The following ADGRB3 variants were observed in gnomAD, a reference collection of about 807,000 sequenced individuals.
ADGRB3 encodes brain-specific angiogenesis inhibitor 3.
In ADGRB3, 37 loss-of-function variants were observed where a neutral mutation model predicts 193.4. The observed-to-expected ratio is 0.19, with a 90% CI of 0.15 to 0.25. The LOEUF (loss-of-function observed/expected upper bound fraction) is 0.25. Among genes scored for constraint, ADGRB3 ranks in the 10% least tolerant of loss-of-function variants. The pLI, the probability that ADGRB3 is intolerant of heterozygous loss-of-function variation, is 1.00. For missense variants in ADGRB3, 1,637 were observed against 1,852.9 expected (o/e 0.88, Z 2.14); for synonymous variants, 690 against 644.2 (o/e 1.07, Z -1.08).
At chr6:68,728,779 A>C (rs1765720033) in intron 3 of ADGRB3, among the ~76,000 whole-genome samples, 3 of 151,586 alleles carry the variant, frequency 2.0e-5, no homozygotes. Flanking sequence ...GAAAGGCAGA[A>C]CCAGAGTTCA....
chr6:68,839,206 A>G (rs483076), intron 3 of ADGRB3, among the ~76,000 whole-genome samples: 132,924 of 152,234 alleles, frequency 0.87, 58,304 homozygotes, highest in Middle Eastern at 0.95. Flanking sequence ...AGAAATGCAG[A>G]TATCTTTTCT....
chr6:68,727,392 G>A (rs1329821339), intron 3 of ADGRB3, among the ~76,000 whole-genome samples: 2 of 151,516 alleles, frequency 1.3e-5, no homozygotes, highest in Admixed American at 1.3e-4. Context: ...ATATGTCATT[G>A]AATGTAATTA....
In ADGRB3 at chr6:69,327,830, A is replaced by G. The variant is rs772858115; in HGVS notation, c.2976A>G (p.Ala992=). Residue 992 remains alanine (A), a synonymous_variant, in exon 22 of 32, where the codon GCA becomes GCG. Coordinates refer to ENST00000370598, the MANE Select transcript of ADGRB3 (RefSeq NM_001704.3). The part of the protein sequence containing the change: ...RFLCLGWGLP[A]LVVATSVGFT... ...TTGCTTTTCTTGCAGGTTTACCAGC[A>G]TTAGTAGTGGCCACATCAGTAGGCT... 6.2e-7 allele frequency: 1 copy of G among 1,609,526 alleles called. No individual in the cohort carries two copies. Among genetic ancestry groups the G allele is most frequent in the Non-Finnish European group, 8.5e-7 (1 of 1,176,544 alleles).
chr6:68,733,127 A>G (rs975226523), intron 3 of ADGRB3, among the ~76,000 whole-genome samples: 1 of 151,614 alleles, frequency 6.6e-6, no homozygotes, highest in Admixed American at 6.6e-5. Flanking sequence ...CTGTGTATCT[A>G]CCTAAAGGAA....
At position 69,361,555 on chromosome 6, in the gene ADGRB3, T is replaced by C. The variant is rs370100303; in HGVS notation, c.4239+43T>C. 2.2e-5 allele frequency: 34 copies of C among 1,560,402 alleles called. No individual in the cohort carries two copies. In the African/African-American group the frequency reaches 3.8e-4, roughly 17 times the overall value. On this transcript the variant is annotated intron_variant, in intron 29 of 31. Coordinates refer to ENST00000370598, the MANE Select transcript of ADGRB3 (RefSeq NM_001704.3). ...AAATTTTTCCTTGATAGTTGAAATA[T>C]GAATAGATATAAATAGAGATATTGA...
At chr6:68,786,486 G>C (rs1766973459) in intron 3 of ADGRB3, among the ~76,000 whole-genome samples, 2 of 152,108 alleles carry the variant, frequency 1.3e-5, no homozygotes, top group South Asian at 2.1e-4. Context: ...TTATTTCTGA[G>C]GGCTCTGTTC....
chr6:69,255,734 T>C (rs1020781009), intron 20 of ADGRB3, among the ~76,000 whole-genome samples: 2 of 152,220 alleles, frequency 1.3e-5, no homozygotes, highest in East Asian at 1.9e-4. Flanking sequence ...ATTTTGGCTT[T>C]TGTTGCCATT....
chr6:69,155,850 G>T (rs1421201356), intron 17 of ADGRB3, among the ~76,000 whole-genome samples: 2 of 152,160 alleles, frequency 1.3e-5, no homozygotes, highest in Admixed American at 6.5e-5. Context: ...GAGAAATCAT[G>T]TAATAGTAAC....
chr6:68,880,151 C>T (rs1469154869), intron 3 of ADGRB3, among the ~76,000 whole-genome samples: 1 of 152,156 alleles, frequency 6.6e-6, no homozygotes, highest in Non-Finnish European at 1.5e-5. Flanking sequence ...TCGGATAAGG[C>T]AGCCACTGCC....
intron 3 of ADGRB3, among the ~76,000 whole-genome samples, chr6:68,902,228 T>G (rs1263522791): frequency 6.6e-6 from 1 of 152,150 alleles, no homozygotes; most frequent in Non-Finnish European, 1.5e-5. Flanking sequence ...CATATTGAAC[T>G]ATTTTATTCA....
intron 17 of ADGRB3, among the ~76,000 whole-genome samples, chr6:69,185,554 C>A (rs1046097366): frequency 2.0e-5 from 3 of 152,108 alleles, no homozygotes; most frequent in Non-Finnish European, 2.9e-5. Context: ...TACCACTATT[C>A]GTACTGTATG....
At chr6:68,942,537 T>C (rs1307659289) in intron 5 of ADGRB3, among the ~76,000 whole-genome samples, 2 of 152,138 alleles carry the variant, frequency 1.3e-5, no homozygotes, top group Non-Finnish European at 2.9e-5. Flanking sequence ...TAGGGTGCTA[T>C]TATGTATTGT....
chr6:68,735,430 T>C (rs1765852750), intron 3 of ADGRB3, among the ~76,000 whole-genome samples: 1 of 151,948 alleles, frequency 6.6e-6, no homozygotes, highest in African/African-American at 2.4e-5. Context: ...ATATATATGA[T>C]AGATAAGAAT....
intron 20 of ADGRB3, among the ~76,000 whole-genome samples, chr6:69,253,995 AGGCAGT>A (rs1052762355): frequency 6.6e-6 from 1 of 152,156 alleles, no homozygotes; most frequent in African/African-American, 2.4e-5. Context: ...ATTCCCTTCC[AGGCAGT>A]CAGAAGCTTG....
intron 3 of ADGRB3, among the ~76,000 whole-genome samples, chr6:68,725,163 A>T (rs1422902667): frequency 1.3e-5 from 2 of 151,666 alleles, no homozygotes; most frequent in Non-Finnish European, 3.0e-5. Flanking sequence ...CTTAAAGAAT[A>T]AACCTGTGCT....
At chr6:69,088,278 T>G (rs1428101525) in intron 17 of ADGRB3, among the ~76,000 whole-genome samples, 1 of 152,198 alleles carries the variant, frequency 6.6e-6, no homozygotes, top group Non-Finnish European at 1.5e-5. Context: ...GTTTTATGTA[T>G]CAATATACGT....
At chr6:69,167,566 GT>G in intron 17 of ADGRB3, among the ~76,000 whole-genome samples, 1 of 152,130 alleles carries the variant, frequency 6.6e-6, no homozygotes, top group Middle Eastern at 3.4e-3. Context: ...AGAGATTTGG[GT>G]TTTTCCAGTT....
At chr6:69,042,756 A>T (rs1361331685) in intron 13 of ADGRB3, among the ~76,000 whole-genome samples, 2 of 152,210 alleles carry the variant, frequency 1.3e-5, no homozygotes, top group Non-Finnish European at 2.9e-5. Context: ...ATAACTGGGC[A>T]ATTTTCTACT....
intron 3 of ADGRB3, among the ~76,000 whole-genome samples, chr6:68,872,632 G>A (rs916057316): frequency 9.2e-5 from 14 of 152,184 alleles, no homozygotes; most frequent in African/African-American, 2.6e-4. Flanking sequence ...CCTTGTGAAT[G>A]GGTTTATTAG....
Sources: gnomAD v4.1 joint callset for allele counts (sites outside exome capture counted in the v4.1 genomes callset) on GRCh38, gnomAD v4.1.1 for gene constraint, MANE v1.5 for transcripts, NCBI Gene and HGNC (gene_info 2026-07-23, HGNC 2026-07-21) for gene names.